FAM149B1: variants seen among roughly 807,000 people sequenced by gnomAD.
The protein encoded by FAM149B1 is family with sequence similarity 149 member B1, also known as primary cilium assembly protein FAM149B1.
In FAM149B1, 56 loss-of-function variants were observed where a neutral mutation model predicts 75.3. That is an observed-to-expected ratio of 0.74 (90% CI 0.60 to 0.93). The LOEUF (loss-of-function observed/expected upper bound fraction) is 0.93. Among genes scored for constraint, FAM149B1 ranks in the 40% least tolerant of loss-of-function variants. FAM149B1 has a pLI of 0.00. For missense variants in FAM149B1, 639 were observed against 708.4 expected, an observed-to-expected ratio of 0.90 and a Z score of 1.11; for synonymous variants, 259 against 256.1, an observed-to-expected ratio of 1.01 and a Z score of -0.11.
chr10:73,230,838 T>A (rs1044965832), intron 9 of FAM149B1: 2 of 197,784 alleles, frequency 1.0e-5, no homozygotes, highest in African/African-American at 2.3e-5. Flanking sequence ...GGTTTTGAAC[T>A]TGTCCTTGAA....
rs1302055110 is a variant in FAM149B1, at chr10:73,168,306, G to A, written c.-34G>A. The A allele has an allele frequency of 6.5e-7, 1 of 1,547,230 alleles. No individual in the cohort carries two copies. Among genetic ancestry groups the A allele is most frequent in the Non-Finnish European group, 8.7e-7 (1 of 1,146,256 alleles). On this transcript the variant is annotated 5_prime_UTR_variant, in exon 1 of 14. Coordinates refer to ENST00000242505, the MANE Select transcript of FAM149B1 (RefSeq NM_173348.2). ...CCCTGGCGTGCCTGCCCCGGCCGCG[G>A]CTGAGGAGGAGGAGGAGGAGGAGGA...
In FAM149B1 at chr10:73,225,848, A is replaced by G. The variant is rs12570193; in HGVS notation, c.899-2212A>G. On this transcript the variant is annotated intron_variant, in intron 7 of 13. Coordinates refer to ENST00000242505, the MANE Select transcript of FAM149B1 (RefSeq NM_173348.2). ...CCTATGTTCAGGCTTGTTTAAATAT[A>G]CAAATGCTAACCATTGTGTTATAGT... Among the ~76,000 whole-genome samples the G allele has an allele frequency of 1.4e-3, 209 of 152,308 alleles. 2 individuals carry two copies. In the East Asian group the frequency reaches 0.035, roughly 26 times the overall value.
intron 7 of FAM149B1, among the ~76,000 whole-genome samples, chr10:73,224,244 T>C (rs1465806220): frequency 3.9e-5 from 6 of 152,154 alleles, no homozygotes; most frequent in African/African-American, 1.2e-4. Context: ...AACTCTGCCC[T>C]TGTAGCATGA....
chr10:73,221,919 C>T (rs1330236092), intron 7 of FAM149B1, among the ~76,000 whole-genome samples: 2 of 152,006 alleles, frequency 1.3e-5, no homozygotes, highest in Admixed American at 1.3e-4. Context: ...GTTGAATCTG[C>T]TCATTTAGTG....
At chr10:73,223,006 G>A (rs1221295261) in intron 7 of FAM149B1, among the ~76,000 whole-genome samples, 1 of 152,140 alleles carries the variant, frequency 6.6e-6, no homozygotes, top group Non-Finnish European at 1.5e-5. Context: ...TGTAGTCCTA[G>A]CTACTCAGGG....
intron 12 of FAM149B1, among the ~76,000 whole-genome samples, chr10:73,236,454 C>T (rs1022693549): frequency 1.3e-5 from 2 of 149,960 alleles, no homozygotes; most frequent in African/African-American, 4.9e-5. Context: ...CGCTCTGTCA[C>T]CTAGGGTGGA....
At chr10:73,170,109 G>T (rs1203263933) in intron 1 of FAM149B1, among the ~76,000 whole-genome samples, 1 of 151,934 alleles carries the variant, frequency 6.6e-6, no homozygotes, top group African/African-American at 2.4e-5. Context: ...AATCATTCTT[G>T]GGTTTCTGGC....
At chr10:73,181,010 T>A (rs1021458173) in intron 3 of FAM149B1, among the ~76,000 whole-genome samples, 1 of 127,280 alleles carries the variant, frequency 7.9e-6, no homozygotes, top group African/African-American at 3.8e-5. Context: ...TTTCTAGTTC[T>A]TTTTTTTTTT....
chr10:73,234,730 C>T (rs1589194800), intron 10 of FAM149B1, 87 bp from the exon 11 acceptor site: 3 of 1,409,344 alleles, frequency 2.1e-6, no homozygotes, highest in African/African-American at 1.4e-5. Context: ...AACTCATCTG[C>T]TTCATTTATC....
rs141750895 is a variant in FAM149B1, at chr10:73,179,671, G to A, written c.282+1696G>A. Among the ~76,000 whole-genome samples the A allele has an allele frequency of 1.9e-3, 292 of 151,966 alleles. 3 individuals are homozygous for A. The highest frequency in any genetic ancestry group is 6.6e-3 in the African/African-American group (275 of 41,454). ...CCCAATGTGCTGAGGTTATAGGCAT[G>A]AGCCACTGCACCCAGCCAGAAACCT... On this transcript the variant is annotated intron_variant, in intron 3 of 13. Transcript: ENST00000242505.
intron 5 of FAM149B1, among the ~76,000 whole-genome samples, chr10:73,203,894 G>A (rs1403826560): frequency 1.3e-5 from 2 of 152,030 alleles, no homozygotes; most frequent in African/African-American, 4.8e-5. Context: ...ACTTGCCTCA[G>A]CCTCCCAAAG....
intron 12 of FAM149B1, among the ~76,000 whole-genome samples, chr10:73,237,086 C>T (rs986596781): frequency 3.3e-5 from 5 of 152,100 alleles, no homozygotes; most frequent in Non-Finnish European, 7.4e-5. Context: ...AGATACCAGT[C>T]GCTGAATTTA....
intron 5 of FAM149B1, among the ~76,000 whole-genome samples, chr10:73,207,061 A>C (rs2133362760): frequency 6.6e-6 from 1 of 152,280 alleles, no homozygotes; most frequent in African/African-American, 2.4e-5. Flanking sequence ...AGGATGTAAG[A>C]GAAAGCCTGG....
At chr10:73,226,675 C>A (rs2043558031) in intron 7 of FAM149B1, among the ~76,000 whole-genome samples, 1 of 152,016 alleles carries the variant, frequency 6.6e-6, no homozygotes, top group South Asian at 2.1e-4. Flanking sequence ...AGAAATAAAC[C>A]AGTTACATGA....
chr10:73,222,677 CCA>C (rs1420680404), intron 7 of FAM149B1, among the ~76,000 whole-genome samples: 1 of 152,120 alleles, frequency 6.6e-6, no homozygotes, highest in African/African-American at 2.4e-5. Flanking sequence ...AATTGCAGGT[CCA>C]GTCTCATTTG....
intron 3 of FAM149B1, among the ~76,000 whole-genome samples, chr10:73,187,112 A>G (rs1397217468): frequency 1.3e-5 from 2 of 152,212 alleles, no homozygotes; most frequent in African/African-American, 4.8e-5. Flanking sequence ...AAATCACAAT[A>G]GAATAAAAAA....
chr10:73,188,972 T>G (rs998808362), intron 3 of FAM149B1, among the ~76,000 whole-genome samples: 1 of 151,762 alleles, frequency 6.6e-6, no homozygotes, highest in African/African-American at 2.4e-5. Context: ...GGCCACCAGA[T>G]CATTTGATCC....
At chr10:73,224,470 ACTT>A (rs1170817021) in intron 7 of FAM149B1, among the ~76,000 whole-genome samples, 1 of 149,038 alleles carries the variant, frequency 6.7e-6, no homozygotes, top group Non-Finnish European at 1.5e-5. Flanking sequence ...GATTATTACA[ACTT>A]TTTTTTTTTT....
At chr10:73,168,600 C>CT (rs1451655954) in intron 1 of FAM149B1, among the ~76,000 whole-genome samples, 7 of 152,260 alleles carry the variant, frequency 4.6e-5, no homozygotes, top group Non-Finnish European at 8.8e-5. Context: ...AAATCAAGCA[C>CT]TGGGTCTGCT....
Sources: gnomAD v4.1 joint callset for allele counts (sites outside exome capture counted in the v4.1 genomes callset) on GRCh38, gnomAD v4.1.1 for gene constraint, MANE v1.5 for transcripts, NCBI Gene and HGNC (gene_info 2026-07-23, HGNC 2026-07-21) for gene names.